ZFAND6: variants seen among roughly 807,000 people sequenced by gnomAD.
ZFAND6 encodes zinc finger AN1-type containing 6, also known as AN1-type zinc finger protein 6.
In ZFAND6, 12 loss-of-function variants were observed where a neutral mutation model predicts 24.5. That is an observed-to-expected ratio of 0.49 (90% CI 0.31 to 0.79). The LOEUF (loss-of-function observed/expected upper bound fraction) is 0.79, where lower values mean the gene tolerates loss of function less well. ZFAND6 is among the 30% of genes least tolerant of loss of function. ZFAND6 has a pLI of 0.04. For synonymous variants in ZFAND6, 92 were observed against 81.5 expected, an observed-to-expected ratio of 1.13 and a Z score of -0.69; for missense variants, 207 against 245.9, an observed-to-expected ratio of 0.84 and a Z score of 1.06.
intron 2 of ZFAND6, among the ~76,000 whole-genome samples, chr15:80,108,133 A>G (rs957661446): frequency 6.6e-6 from 1 of 152,266 alleles, no homozygotes; most frequent in Non-Finnish European, 1.5e-5. Context: ...ATAAAGTTCT[A>G]TATAAGTATT....
rs550628286 is a variant in ZFAND6, at chr15:80,137,563, G to T, written c.562G>T (p.Asp188Tyr). Residue 188 changes from aspartate to tyrosine, a missense_variant, in exon 7 of 7, where the codon GAT becomes TAT. By Grantham distance (160) the Asp-to-Tyr change is radical (BLOSUM62 -3). Around this residue, in one of 3 missense-constraint regions of ZFAND6, gnomAD observed 45 missense variants for 67.7 expected, o/e 0.66. Transcript: ENST00000261749. ...CAATTGCTCTTACAATTACAAAGCC[G>T]ATGCTGCTGAGAAAATCAGAAAAGA... ...VHNCSYNYKADAAEKIRKENP... is the reference protein window; with the variant it reads ...VHNCSYNYKAYAAEKIRKENP... 1 of 1,604,518 alleles carries T rather than the reference G, an allele frequency of 6.2e-7. No homozygotes were observed. Among genetic ancestry groups the T allele is most frequent in the African/African-American group, 1.3e-5 (1 of 74,384 alleles).
intron 1 of ZFAND6, among the ~76,000 whole-genome samples, chr15:80,084,688 A>C (rs1235565309): frequency 6.6e-6 from 1 of 152,236 alleles, no homozygotes; most frequent in Non-Finnish European, 1.5e-5. Context: ...TTCCTGAGCT[A>C]TGTTGAATTT....
chr15:80,110,738 G>A (rs2039565359), intron 2 of ZFAND6, among the ~76,000 whole-genome samples: 1 of 152,142 alleles, frequency 6.6e-6, no homozygotes, highest in Admixed American at 6.6e-5. Context: ...GTAGGGAAAA[G>A]ATGATCATTT....
intron 4 of ZFAND6, among the ~76,000 whole-genome samples, chr15:80,122,363 G>A (rs1384740236): frequency 6.6e-6 from 1 of 152,028 alleles, no homozygotes; most frequent in Admixed American, 6.6e-5. Context: ...GATAAGATAT[G>A]TTCAGTTTTG....
chr15:80,077,892 G>T (rs914292615), intron 1 of ZFAND6, among the ~76,000 whole-genome samples: 17 of 151,556 alleles, frequency 1.1e-4, no homozygotes, highest in Non-Finnish European at 2.4e-4. Context: ...TAGAGATGGG[G>T]TTTCACCATA....
intron 1 of ZFAND6, among the ~76,000 whole-genome samples, chr15:80,060,958 G>A (rs982829975): frequency 6.6e-6 from 1 of 152,164 alleles, no homozygotes; most frequent in Non-Finnish European, 1.5e-5. Context: ...TTGAAGCTCC[G>A]AGAAACAGGA....
intron 2 of ZFAND6, among the ~76,000 whole-genome samples, chr15:80,104,224 G>T (rs1403354696): frequency 6.6e-6 from 1 of 152,144 alleles, no homozygotes; most frequent in Non-Finnish European, 1.5e-5. Flanking sequence ...ATTTATATTA[G>T]AACTAAATAG....
At chr15:80,121,127 G>T (rs1416806563) in intron 3 of ZFAND6, among the ~76,000 whole-genome samples, 2 of 152,114 alleles carry the variant, frequency 1.3e-5, no homozygotes, top group Non-Finnish European at 2.9e-5. Flanking sequence ...TCTCATGTAG[G>T]TTAATGCCTG....
At chr15:80,086,431 G>A (rs2038010854) in intron 1 of ZFAND6, among the ~76,000 whole-genome samples, 1 of 152,162 alleles carries the variant, frequency 6.6e-6, no homozygotes, top group African/African-American at 2.4e-5. Context: ...ATAAAGTTAT[G>A]TTGTTACTAC....
chr15:80,105,514 A>G (rs1450899744), intron 2 of ZFAND6, among the ~76,000 whole-genome samples: 1 of 152,184 alleles, frequency 6.6e-6, no homozygotes, highest in Non-Finnish European at 1.5e-5. Flanking sequence ...AAGCCACCCA[A>G]TTCTGAACTG....
At chr15:80,059,647 A>G (rs1185049232), upstream of ZFAND6, 1 of 152,168 alleles carries the variant, frequency 6.6e-6, no homozygotes, top group Non-Finnish European at 1.5e-5. Flanking sequence ...CGGTCGCGTC[A>G]TAGGCCGAAC....
chr15:80,104,352 G>A (rs189395332), intron 2 of ZFAND6, among the ~76,000 whole-genome samples: 21 of 152,248 alleles, frequency 1.4e-4, no homozygotes, highest in Middle Eastern at 3.4e-3. Flanking sequence ...GTGAAACCCC[G>A]TCTCTTCTAA....
At chr15:80,099,354 G>A (rs1353365087) in intron 2 of ZFAND6, among the ~76,000 whole-genome samples, 1 of 152,078 alleles carries the variant, frequency 6.6e-6, no homozygotes, top group East Asian at 1.9e-4. Context: ...TGCATTGTTT[G>A]TACAGATGGA....
intron 1 of ZFAND6, among the ~76,000 whole-genome samples, chr15:80,089,405 G>A (rs1022298958): frequency 1.3e-5 from 2 of 151,308 alleles, no homozygotes; most frequent in African/African-American, 2.4e-5. Context: ...ATTACAGGCT[G>A]TGCCACCACC....
At chr15:80,131,090 T>A in intron 5 of ZFAND6, 90 bp from the exon 6 acceptor site, 1 of 937,268 alleles carries the variant, frequency 1.1e-6, no homozygotes, top group South Asian at 2.4e-5. Context: ...TTCCTCAGTA[T>A]CCTCTGAATA....
intron 1 of ZFAND6, among the ~76,000 whole-genome samples, chr15:80,069,954 A>G (rs1053267900): frequency 5.9e-5 from 9 of 152,132 alleles, no homozygotes; most frequent in African/African-American, 2.2e-4. Context: ...TTCAGAGTTT[A>G]TCCTTAGTGA....
rs201923212 is a variant in ZFAND6 at position 80,121,810 on chromosome 15, A to G, written c.253A>G (p.Met85Val). 143 of 1,612,910 alleles carry G rather than the reference A, an allele frequency of 8.9e-5. No individual in the cohort carries two copies. The highest frequency in any genetic ancestry group is 3.3e-4 in the Middle Eastern group (2 of 6,036). Reference protein sequence around the residue: ...QSALDSTSSSMQPSPVSNQSL... With the variant: ...QSALDSTSSSVQPSPVSNQSL... ...AGCATTAGACTCTACATCTTCATCTATGCAGCCCAGGTAAGATGTACTCTC... is the reference window on the plus strand; with the variant it reads ...AGCATTAGACTCTACATCTTCATCTGTGCAGCCCAGGTAAGATGTACTCTC... Residue 85 changes from methionine (M) to valine (V), a missense_variant, in exon 4 of 7, where the codon ATG becomes GTG. By Grantham distance (21) the Met-to-Val change is conservative. This residue lies in a region of ZFAND6 where 133 missense variants were observed against 122.8 expected (regional missense o/e 1.08). Coordinates refer to ENST00000261749, the MANE Select transcript of ZFAND6 (RefSeq NM_019006.4).
chr15:80,067,234 C>G (rs2036699121), intron 1 of ZFAND6, among the ~76,000 whole-genome samples: 2 of 152,160 alleles, frequency 1.3e-5, no homozygotes, highest in Admixed American at 1.3e-4. Flanking sequence ...TCCTGCCTTC[C>G]TATGGAGTTT....
At chr15:80,108,400 A>C (rs186236967) in intron 2 of ZFAND6, among the ~76,000 whole-genome samples, 2 of 152,140 alleles carry the variant, frequency 1.3e-5, no homozygotes, top group African/African-American at 2.4e-5. Flanking sequence ...AGCCATAGAT[A>C]GATCGATCAA....
Sources: allele counts gnomAD v4.1 joint callset (sites outside exome capture counted in the v4.1 genomes callset), GRCh38; gene constraint gnomAD v4.1.1; regional missense constraint gnomAD v4.1.1; transcripts MANE v1.5; gene names NCBI Gene and HGNC (gene_info 2026-07-23, HGNC 2026-07-21).